SPOP: variants seen among roughly 807,000 people sequenced by gnomAD.
SPOP encodes the protein speckle-type POZ protein.
Under a neutral mutation model 45.6 loss-of-function variants are expected in SPOP, and 11 were observed. The observed-to-expected ratio is 0.24, with a 90% CI of 0.15 to 0.40. The LOEUF (loss-of-function observed/expected upper bound fraction) is 0.40. Ranked by LOEUF, SPOP falls within the 10% of genes least tolerant of loss-of-function variation. The probability of loss-of-function intolerance (pLI) is 1.00; values close to 1 mark genes in which losing one functional copy is unlikely to be tolerated. For missense variants in SPOP, 152 were observed against 465.6 expected (o/e 0.33, Z 6.20); for synonymous variants, 166 against 166.3 (o/e 1.00, Z 0.01).
intron 8 of SPOP, among the ~76,000 whole-genome samples, chr17:49,605,479 C>A (rs1044170214): frequency 6.6e-6 from 1 of 152,060 alleles, no homozygotes; most frequent in Non-Finnish European, 1.5e-5. Context: ...CACTTGAGGT[C>A]AGGAGTTCGA....
intron 1 of SPOP, among the ~76,000 whole-genome samples, chr17:49,676,678 A>G (rs2073203397): frequency 6.6e-6 from 1 of 152,164 alleles, no homozygotes; most frequent in Non-Finnish European, 1.5e-5. Flanking sequence ...CAATTTAGCT[A>G]TTCATTTCAA....
At position 49,619,499 on chromosome 17, in the gene SPOP, A is replaced by C; in HGVS notation, c.201-114T>G. 3.4e-6 allele frequency: 4 copies of C among 1,181,880 alleles called. No individual in the cohort carries two copies. The highest frequency in any genetic ancestry group is 4.6e-6 in the Non-Finnish European group (4 of 860,992). The allele number at this position is 1,181,880 out of a possible 1,614,324, so 73.2% of individuals were successfully genotyped here. On this transcript the variant is annotated intron_variant, in intron 3 of 9. Transcript: ENST00000504102. This position sits in a 1 kb window ranked among gnomAD's most constrained non-coding sequence, Gnocchi z 4.9. The stretch of plus-strand genomic sequence containing the variant: ...AAACAAATGCAGGCCCCATAGAAGA[A>C]TATAATTCAGTAGAATGACTAGTTG...
chr17:49,609,829 A>G (rs545141897), intron 6 of SPOP, among the ~76,000 whole-genome samples: 4 of 152,002 alleles, frequency 2.6e-5, no homozygotes, highest in African/African-American at 9.7e-5. Flanking sequence ...TGAAGAGGCA[A>G]TAACAGAGAG....
chr17:49,627,109 A>G (rs980007929), intron 1 of SPOP, among the ~76,000 whole-genome samples: 2 of 152,202 alleles, frequency 1.3e-5, no homozygotes, highest in Non-Finnish European at 2.9e-5. Context: ...TTGGCCTCCC[A>G]AAGTGCTGGG....
At chr17:49,639,321 G>A (rs1183772505) in intron 1 of SPOP, among the ~76,000 whole-genome samples, 3 of 151,932 alleles carry the variant, frequency 2.0e-5, no homozygotes, top group Non-Finnish European at 4.4e-5. Flanking sequence ...ACTGTTGGTA[G>A]GAGAACAAAC....
chr17:49,658,440 T>C (rs939522478), intron 1 of SPOP, among the ~76,000 whole-genome samples: 5 of 152,236 alleles, frequency 3.3e-5, no homozygotes, highest in Admixed American at 1.3e-4. Flanking sequence ...AGTGCATTAC[T>C]CCCTTTTACT....
chr17:49,668,892 T>G (rs1476767369), intron 1 of SPOP, among the ~76,000 whole-genome samples: 1 of 151,572 alleles, frequency 6.6e-6, no homozygotes. Flanking sequence ...TTCTCCTGCC[T>G]CAGCCTCCCG....
chr17:49,664,026 A>C (rs1484232883), intron 1 of SPOP, among the ~76,000 whole-genome samples: 1 of 152,230 alleles, frequency 6.6e-6, no homozygotes, highest in East Asian at 1.9e-4. Context: ...GTATTTCCCA[A>C]AAGACCGCAG....
chr17:49,619,817 A>G lies in SPOP; in HGVS notation c.201-432T>C, dbSNP rs569937667. ...TGGGATTACAGGAATAAGCAACCAC[A>G]CCTGGCTGGGAACCACTTTCGTAAA... On this transcript the variant is annotated intron_variant, in intron 3 of 9. Coordinates refer to ENST00000504102, the MANE Select transcript of SPOP (RefSeq NM_001007228.2). The surrounding 1 kb of genome is among the most constrained non-coding windows in gnomAD (Gnocchi z 4.9). Among the ~76,000 whole-genome samples, 20 of 152,124 alleles carry G rather than the reference A, an allele frequency of 1.3e-4. No homozygotes were observed. The highest frequency in any genetic ancestry group is 4.8e-4 in the African/African-American group (20 of 41,494).
intron 1 of SPOP, among the ~76,000 whole-genome samples, chr17:49,633,462 C>A (rs1351074540): frequency 6.6e-6 from 1 of 152,090 alleles, no homozygotes; most frequent in Non-Finnish European, 1.5e-5. Flanking sequence ...CCAAGGAGAC[C>A]TTAGCAGCCA....
intron 6 of SPOP, among the ~76,000 whole-genome samples, chr17:49,608,676 C>A (rs2071901983): frequency 2.0e-5 from 3 of 152,060 alleles, no homozygotes; most frequent in Admixed American, 6.6e-5. Context: ...CCAATGAACA[C>A]CATGAAAAAT....
At position 49,600,218 on chromosome 17, in the gene SPOP, T is replaced by G; in HGVS notation, c.*160A>C. The G allele has an allele frequency of 4.4e-5, 39 of 877,676 alleles. No homozygotes were observed. Among genetic ancestry groups the G allele is most frequent in the Non-Finnish European group, 6.0e-5 (34 of 568,074 alleles). 54.4% of individuals were successfully genotyped at this position (877,676 alleles called of 1,614,324 possible). The stretch of plus-strand genomic sequence containing the variant: ...TTTCCCTCCCCCCGTTTCCCCCAAG[T>G]TATTTAGTGCTGTTTTAAAAGTCTG... On this transcript the variant is annotated 3_prime_UTR_variant, in exon 10 of 10. Transcript: ENST00000504102. This position sits in a 1 kb window ranked among gnomAD's most constrained non-coding sequence, Gnocchi z 4.2.
At chr17:49,633,277 T>C (rs905996487) in intron 1 of SPOP, among the ~76,000 whole-genome samples, 1 of 152,144 alleles carries the variant, frequency 6.6e-6, no homozygotes, top group African/African-American at 2.4e-5. Flanking sequence ...GTAAGGCTCA[T>C]CTAGATAGAT....
At chr17:49,657,892 A>G (rs1465430169) in intron 1 of SPOP, among the ~76,000 whole-genome samples, 3 of 149,776 alleles carry the variant, frequency 2.0e-5, no homozygotes, top group East Asian at 4.0e-4. Flanking sequence ...TAGTAGAGAC[A>G]GGGTGTTACC....
At chr17:49,639,296 C>A (rs751003250) in intron 1 of SPOP, among the ~76,000 whole-genome samples, 13 of 151,896 alleles carry the variant, frequency 8.6e-5, no homozygotes, top group Non-Finnish European at 1.6e-4. Context: ...AAGGGCTGAA[C>A]AGGGAGACTA....
intron 1 of SPOP, chr17:49,675,948 A>C: frequency 6.6e-6 from 1 of 152,344 alleles, no homozygotes; most frequent in Non-Finnish European, 1.5e-5. Context: ...TGAACCCAGG[A>C]GGCAAAGGTG....
rs36082208 is a variant in SPOP, at chr17:49,667,178, T to TAAA, written c.-67+10752_-67+10754dup. On this transcript the variant is annotated intron_variant, in intron 1 of 9. Coordinates refer to ENST00000504102, the MANE Select transcript of SPOP (RefSeq NM_001007228.2). ...AGGCGACAAGAATGAAACGCTGTCT[T>TAAA]AAAAAAAAAAAAAAAAAAAAAATTA... 2.4e-4 allele frequency among the ~76,000 whole-genome samples: 25 copies of TAAA among 103,576 alleles called. No homozygotes were observed. The South Asian group carries it at 4.0e-3, about 17-fold the overall frequency. The allele number at this position is 103,576 out of a possible 152,430, so 67.9% of individuals were successfully genotyped here.
In SPOP at chr17:49,604,196, G is replaced by A. The variant is rs914601626; in HGVS notation, c.838-2189C>T. On this transcript the variant is annotated intron_variant, in intron 8 of 9. Coordinates refer to ENST00000504102, the MANE Select transcript of SPOP (RefSeq NM_001007228.2). ...TTATAAAAGGCAGTTATTGGATTGT[G>A]TCTTCTACTTTCCCAGAGCTTGCAG... Among the ~76,000 whole-genome samples the A allele has an allele frequency of 2.6e-5, 4 of 152,208 alleles. No homozygotes were observed. The East Asian group carries it at 7.7e-4, about 29-fold the overall frequency.
intron 8 of SPOP, 59 bp downstream of exon 8, chr17:49,607,191 T>C: frequency 1.2e-6 from 2 of 1,609,690 alleles, no homozygotes; most frequent in Non-Finnish European, 1.7e-6. Flanking sequence ...ATCCTGTTCA[T>C]GAAACACAAG....
Sources: allele counts gnomAD v4.1 joint callset (sites outside exome capture counted in the v4.1 genomes callset), GRCh38; gene constraint gnomAD v4.1.1; non-coding constraint Gnocchi (gnomAD v3.1); transcripts MANE v1.5; gene names NCBI Gene and HGNC (gene_info 2026-07-23, HGNC 2026-07-21).